ZNF544: variants seen among roughly 807,000 people sequenced by gnomAD.
ZNF544 encodes zinc finger protein AF020591.
ZNF544 carries 10 observed loss-of-function variants against 13.5 expected under a neutral mutation model. The observed-to-expected ratio is 0.74, with a 90% CI of 0.46 to 1.25. The LOEUF is 1.25. Ranked by LOEUF, ZNF544 falls within the 50% of genes most tolerant of loss-of-function variation. The pLI is 0.00. For missense variants in ZNF544, 896 were observed against 845.6 expected, an observed-to-expected ratio of 1.06 and a Z score of -0.74; for synonymous variants, 323 against 300.5, an observed-to-expected ratio of 1.07 and a Z score of -0.77.
rs926224775 is a variant in ZNF544, at chr19:58,245,436, G to C, written c.34-865G>C. On this transcript the variant is annotated intron_variant, in intron 4 of 6. Transcript: ENST00000687789. ...CTGCTGCAGCCAGGAAGAGTAGCTG[G>C]GATTACAGGCATGTGCCACCATGCC... 7.9e-5 allele frequency among the ~76,000 whole-genome samples: 12 copies of C among 151,660 alleles called. 1 individual carries two copies. The South Asian group carries it at 1.7e-3, about 21-fold the overall frequency.
At chr19:58,269,851 G>A (rs1316973945) in intron 5 of ZNF544, among the ~76,000 whole-genome samples, 1 of 152,134 alleles carries the variant, frequency 6.6e-6, no homozygotes. Flanking sequence ...AACCTGGGAG[G>A]CAGAGGTTGC....
chr19:58,237,589 C>A (rs260479), intron 3 of ZNF544, among the ~76,000 whole-genome samples: 101,073 of 152,154 alleles, frequency 0.66, 34,009 homozygotes, highest in African/African-American at 0.77. Context: ...AGGGGCCCTT[C>A]CAGCTACAGG....
At chr19:58,247,324 C>G (rs2045455019) in intron 6 of ZNF544, 3 of 153,248 alleles carry the variant, frequency 2.0e-5, no homozygotes, top group African/African-American at 7.2e-5. Flanking sequence ...TGCAATGGCA[C>G]AATCTCGGCT....
intron 3 of ZNF544, among the ~76,000 whole-genome samples, chr19:58,237,429 T>G (rs1439731275): frequency 1.3e-5 from 2 of 152,156 alleles, no homozygotes; most frequent in African/African-American, 2.4e-5. Flanking sequence ...ACTGAGCCGC[T>G]CCAGGCCGGC....
chr19:58,239,078 A>G (rs377350936), intron 3 of ZNF544, among the ~76,000 whole-genome samples: 5 of 152,086 alleles, frequency 3.3e-5, no homozygotes, highest in East Asian at 1.9e-4. Flanking sequence ...GAAAATAAAC[A>G]GGGCTGGGTG....
At position 58,263,377 on chromosome 19, in the gene ZNF544, C is replaced by T; in HGVS notation, c.*623C>T. 6.2e-6 allele frequency: 6 copies of T among 963,938 alleles called. No homozygotes were observed. Among genetic ancestry groups the T allele is most frequent in the Non-Finnish European group, 7.4e-6 (6 of 810,358 alleles). 59.7% of individuals were successfully genotyped at this position (963,938 alleles called of 1,614,324 possible). A position where few individuals can be genotyped will look rare whatever the true frequency, so the allele number is the denominator to read the frequency against. ...TCAGGAGGCTGAGGTGGGAGGATCA[C>T]TTGAGCTTGGGAGGCGGTGGTTGCA... On this transcript the variant is annotated 3_prime_UTR_variant, in exon 7 of 7. Coordinates refer to ENST00000687789, the MANE Select transcript of ZNF544 (RefSeq NM_014480.4).
intron 6 of ZNF544, among the ~76,000 whole-genome samples, chr19:58,248,692 G>C (rs1410981628): frequency 6.6e-6 from 1 of 152,152 alleles, no homozygotes; most frequent in Admixed American, 6.6e-5. Flanking sequence ...GGTGTTACTG[G>C]TGGAGGATGT....
At chr19:58,232,878 C>T (rs946301714) in intron 3 of ZNF544, among the ~76,000 whole-genome samples, 2 of 132,388 alleles carry the variant, frequency 1.5e-5, no homozygotes, top group African/African-American at 2.8e-5. Flanking sequence ...ACCTGGGAGG[C>T]GGAGCTTGCA....
chr19:58,252,036 G>A (rs956403511), intron 6 of ZNF544, among the ~76,000 whole-genome samples: 1 of 152,064 alleles, frequency 6.6e-6, no homozygotes, highest in African/African-American at 2.4e-5. Flanking sequence ...CTCTGTTCTG[G>A]TAGGGTACAC....
chr19:58,231,298 C>T (rs560906467), intron 3 of ZNF544, among the ~76,000 whole-genome samples: 2 of 152,280 alleles, frequency 1.3e-5, no homozygotes, highest in South Asian at 2.1e-4. Flanking sequence ...TTCTCACTCC[C>T]CAGCCACGAG....
Position 58,261,913 on chromosome 19 carries a change from A to G in ZNF544, c.1307A>G (p.Tyr436Cys), listed in dbSNP as rs773882213. ...HQRIHTGEKP[Y>C]QCIECRKSFR... is the part of the protein sequence containing the mutation. ...CGAATTCACACTGGAGAAAAACCGT[A>G]TCAGTGTATTGAATGCAGAAAATCC... is the stretch of plus-strand genomic sequence containing the variant. Residue 436 changes from tyrosine (Y) to cysteine (C), a missense_variant, in exon 7 of 7, where the codon TAT becomes TGT. Transcript: ENST00000687789. 6.2e-7 allele frequency: 1 copy of G among 1,613,638 alleles called. No homozygotes were observed. The highest frequency in any genetic ancestry group is 8.5e-7 in the Non-Finnish European group (1 of 1,179,932).
intron 6 of ZNF544, among the ~76,000 whole-genome samples, chr19:58,253,169 A>G (rs561845050): frequency 1.3e-5 from 2 of 152,338 alleles, no homozygotes; most frequent in South Asian, 4.1e-4. Flanking sequence ...AACATCAAAA[A>G]CAATTTTAAG....
chr19:58,235,298 T>TA (rs2042150553), intron 3 of ZNF544, among the ~76,000 whole-genome samples: 1 of 152,132 alleles, frequency 6.6e-6, no homozygotes, highest in Non-Finnish European at 1.5e-5. Flanking sequence ...AAAGGTACGG[T>TA]AAAAATATGG....
intron 3 of ZNF544, among the ~76,000 whole-genome samples, chr19:58,238,420 C>T (rs190588202): frequency 3.5e-4 from 53 of 152,224 alleles, no homozygotes; most frequent in Admixed American, 3.1e-3. Context: ...CGTGGTAACC[C>T]GCACAAGAAA....
At chr19:58,270,078 G>A (rs2050442287) in intron 5 of ZNF544, among the ~76,000 whole-genome samples, 1 of 152,160 alleles carries the variant, frequency 6.6e-6, no homozygotes, top group African/African-American at 2.4e-5. Flanking sequence ...AAGGCTTCAA[G>A]GTAAATTGTG....
Position 58,261,788 on chromosome 19 carries a change from C to A in ZNF544, c.1182C>A (p.Asp394Glu). The change falls in exon 7 of 7, where the codon GAC (aspartate) becomes GAA (glutamate). Residue 394 changes from aspartate (D) to glutamate (E), a missense_variant. Transcript: ENST00000687789. ...GGAAATCTTTTAGCCAGAGCTATGA[C>A]CTTGTCATACATCAGAGGACACACA... ...QCGKSFSQSY[D>E]LVIHQRTHTG... 6.2e-7 allele frequency: 1 copy of A among 1,613,952 alleles called. No individual in the cohort carries two copies. Among genetic ancestry groups the A allele is most frequent in the Non-Finnish European group, 8.5e-7 (1 of 1,179,976 alleles).
intron 3 of ZNF544, chr19:58,242,361 A>C: frequency 1.2e-6 from 1 of 833,582 alleles, no homozygotes; most frequent in Non-Finnish European, 1.4e-6. Context: ...TCTGCAATTC[A>C]TGGCTTGATA....
chr19:58,256,544 T>C (rs1401070841), intron 6 of ZNF544, among the ~76,000 whole-genome samples: 1 of 152,186 alleles, frequency 6.6e-6, no homozygotes, highest in Non-Finnish European at 1.5e-5. Flanking sequence ...ATAAACAACT[T>C]AAACGGTTAC....
chr19:58,252,945 G>A (rs537981785), intron 6 of ZNF544, among the ~76,000 whole-genome samples: 5 of 152,228 alleles, frequency 3.3e-5, no homozygotes, highest in South Asian at 2.1e-4. Flanking sequence ...TCAACCTCCC[G>A]AGTAGCTGGG....
Sources: allele counts gnomAD v4.1 joint callset (sites outside exome capture counted in the v4.1 genomes callset), GRCh38; gene constraint gnomAD v4.1.1; transcripts MANE v1.5; gene names NCBI Gene and HGNC (gene_info 2026-07-23, HGNC 2026-07-21).